Variants in FREM2 observed in about 807,000 individuals in gnomAD.
FREM2 encodes FRAS1 related extracellular matrix 2, also known as FRAS1-related extracellular matrix protein 2.
In FREM2, 119 loss-of-function variants were observed where a neutral mutation model predicts 219.9. The observed-to-expected ratio is 0.54, with a 90% CI of 0.47 to 0.63. FREM2 has a LOEUF of 0.63. Among genes scored for constraint, FREM2 ranks in the 30% least tolerant of loss-of-function variants. The pLI, the probability that FREM2 is intolerant of heterozygous loss-of-function variation, is 0.00. For missense variants in FREM2, 4,030 were observed against 3,993.6 expected (o/e 1.01, Z -0.25); for synonymous variants, 1,562 against 1,522.8 (o/e 1.03, Z -0.60).
chr13:38,805,461 A>G (rs1289097775), intron 6 of FREM2, among the ~76,000 whole-genome samples: 1 of 151,946 alleles, frequency 6.6e-6, no homozygotes, highest in Admixed American at 6.6e-5. Context: ...ATGAGACTCT[A>G]TTTAAACATA....
chr13:38,807,227 A>G (rs1305999457), intron 6 of FREM2, among the ~76,000 whole-genome samples: 2 of 125,684 alleles, frequency 1.6e-5, no homozygotes, highest in African/African-American at 5.7e-5. Flanking sequence ...ATATATATAT[A>G]TGTATGGTTT....
intron 3 of FREM2, among the ~76,000 whole-genome samples, chr13:38,768,591 C>T (rs1873534600): frequency 6.6e-6 from 1 of 152,112 alleles, no homozygotes; most frequent in South Asian, 2.1e-4. Flanking sequence ...TTTTCCAACT[C>T]TTTTACATCT....
Position 38,689,880 on chromosome 13 carries a change from A to T in FREM2, c.2536A>T (p.Ile846Phe). Reference protein sequence around the residue: ...GFTIQEKGHHILSETELHVND... With the variant: ...GFTIQEKGHHFLSETELHVND... ...CACTATTCAGGAGAAGGGTCACCACATCCTGAGTGAGACAGAGTTGCACGT... is the reference window on the plus strand; with the variant it reads ...CACTATTCAGGAGAAGGGTCACCACTTCCTGAGTGAGACAGAGTTGCACGT... The change falls in exon 1 of 24, where the codon ATC becomes TTC. Residue 846 changes from isoleucine (I) to phenylalanine (F), a missense_variant. Ile to Phe is a conservative substitution (Grantham distance 21). Around this residue, in one of 2 missense-constraint regions of FREM2, gnomAD observed 3,102 missense variants for 2,950.7 expected, o/e 1.05. Coordinates refer to ENST00000280481, the MANE Select transcript of FREM2 (RefSeq NM_207361.6). The T allele has an allele frequency of 6.2e-7, 1 of 1,614,206 alleles. No homozygotes were observed. The highest frequency in any genetic ancestry group is 8.5e-7 in the Non-Finnish European group (1 of 1,180,042).
intron 2 of FREM2, among the ~76,000 whole-genome samples, chr13:38,726,707 A>G (rs948621630): frequency 5.3e-5 from 8 of 152,198 alleles, no homozygotes; most frequent in African/African-American, 1.9e-4. Flanking sequence ...TGATTATGGC[A>G]TAGGGAGCAC....
At chr13:38,720,290 CACTT>C (rs2138106602) in intron 2 of FREM2, among the ~76,000 whole-genome samples, 1 of 152,264 alleles carries the variant, frequency 6.6e-6, no homozygotes, top group East Asian at 1.9e-4. Context: ...TAAAGAAAAT[CACTT>C]AGTACTGTCT....
chr13:38,805,263 G>A lies in FREM2; in HGVS notation c.6019+20455G>A, dbSNP rs181642943. On this transcript the variant is annotated intron_variant, in intron 6 of 23. Transcript: ENST00000280481. ...AATGTAGGGTAAGGAGGTGAGGCTA[G>A]AAAGGAAAGGACTCACTGCTAAGAA... Among the ~76,000 whole-genome samples the A allele has an allele frequency of 2.3e-3, 347 of 151,600 alleles. 1 individual carries two copies. The highest frequency in any genetic ancestry group is 2.2e-3 in the Admixed American group (34 of 15,252).
intron 6 of FREM2, among the ~76,000 whole-genome samples, chr13:38,831,613 A>T (rs1444298317): frequency 5.6e-5 from 8 of 143,240 alleles, no homozygotes; most frequent in East Asian, 4.1e-4. Context: ...TTTAACTTCA[A>T]TTTTTTTTTT....
chr13:38,883,245 G>C lies in FREM2; in HGVS notation c.*2458G>C, dbSNP rs886050203. The C allele has an allele frequency of 4.6e-5, 7 of 152,000 alleles. No individual in the cohort carries two copies. The highest frequency in any genetic ancestry group is 7.4e-5 in the Non-Finnish European group (5 of 67,994). 9.4% of individuals were successfully genotyped at this position (152,000 alleles called of 1,614,324 possible). A position where few individuals can be genotyped will look rare whatever the true frequency, so the allele number is the denominator to read the frequency against. ...ATTTTTCTTAATATCTATTTACTAA[G>C]TATGTAATTTAATATACATTAATTA... On this transcript the variant is annotated 3_prime_UTR_variant, in exon 24 of 24. Transcript: ENST00000280481.
chr13:38,837,887 C>A (rs1233611120), intron 6 of FREM2, among the ~76,000 whole-genome samples: 1 of 152,046 alleles, frequency 6.6e-6, no homozygotes, highest in Non-Finnish European at 1.5e-5. Flanking sequence ...GAATACAGCA[C>A]ACCGATGGGT....
intron 2 of FREM2, among the ~76,000 whole-genome samples, chr13:38,720,282 A>C (rs1051770628): frequency 2.0e-5 from 3 of 152,172 alleles, no homozygotes; most frequent in Admixed American, 6.6e-5. Flanking sequence ...GGAGAGTTTA[A>C]AGAAAATCAC....
chr13:38,868,660 A>G (rs1356756811), intron 16 of FREM2, among the ~76,000 whole-genome samples: 1 of 152,228 alleles, frequency 6.6e-6, no homozygotes, highest in Non-Finnish European at 1.5e-5. Context: ...CACTGTTGGT[A>G]AAACGGTGCA....
intron 2 of FREM2, among the ~76,000 whole-genome samples, chr13:38,738,945 A>G (rs1468693766): frequency 1.3e-5 from 2 of 152,242 alleles, no homozygotes; most frequent in East Asian, 1.9e-4. Flanking sequence ...TACTAGCTGT[A>G]TTGCACTCGG....
intron 21 of FREM2, among the ~76,000 whole-genome samples, chr13:38,877,487 G>A (rs1878382570): frequency 6.6e-6 from 1 of 152,142 alleles, no homozygotes; most frequent in Non-Finnish European, 1.5e-5. Flanking sequence ...TTTGGAACAA[G>A]TCTAGATGAT....
At chr13:38,743,389 G>A (rs1593379037) in intron 2 of FREM2, among the ~76,000 whole-genome samples, 1 of 151,702 alleles carries the variant, frequency 6.6e-6, no homozygotes, top group African/African-American at 2.4e-5. Flanking sequence ...CTGAGCCTAT[G>A]GAATTTAGTT....
intron 6 of FREM2, among the ~76,000 whole-genome samples, chr13:38,793,997 T>G (rs548726675): frequency 6.6e-5 from 10 of 152,298 alleles, no homozygotes; most frequent in African/African-American, 2.4e-4. Flanking sequence ...AAATGCCTGC[T>G]TGACTTCAAA....
chr13:38,847,297 C>G (rs1425952068), intron 7 of FREM2, among the ~76,000 whole-genome samples: 1 of 146,098 alleles, frequency 6.8e-6, no homozygotes, highest in East Asian at 2.0e-4. Flanking sequence ...TCAAAATTTC[C>G]TTTTTTTTCT....
chr13:38,874,453 T>G (rs1878273200), intron 17 of FREM2, 29 bp from the exon 18 acceptor site: 1 of 1,567,314 alleles, frequency 6.4e-7, no homozygotes, highest in East Asian at 2.2e-5. Context: ...CTACATATAT[T>G]TTCATTCTTG....
chr13:38,776,015 T>C (rs1442574730), intron 4 of FREM2, among the ~76,000 whole-genome samples: 2 of 152,234 alleles, frequency 1.3e-5, no homozygotes, highest in Non-Finnish European at 2.9e-5. Flanking sequence ...GCACTTATTA[T>C]CATGTGGTTT....
rs755951157 is a variant in FREM2 at position 38,687,505 on chromosome 13, C to T, written c.161C>T (p.Ala54Val). The T allele has an allele frequency of 1.3e-6, 2 of 1,595,494 alleles. No homozygotes were observed. The highest frequency in any genetic ancestry group is 2.3e-5 in the South Asian group (2 of 88,298). Residue 54 changes from alanine (A) to valine (V), a missense_variant, in exon 1 of 24, where the codon GCG (alanine) becomes GTG (valine). By Grantham distance (64) the Ala-to-Val change is moderately conservative. Coordinates refer to ENST00000280481, the MANE Select transcript of FREM2 (RefSeq NM_207361.6). ...GCACAGCCCGCTGCCTTCGGCAGGG[C>T]GTTGCTGTCCCCTGGTCTCGCGGGG... ...VPAQPAAFGR[A>V]LLSPGLAGAA...
Sources: gnomAD v4.1 joint callset for allele counts (sites outside exome capture counted in the v4.1 genomes callset) on GRCh38, gnomAD v4.1.1 for gene constraint, gnomAD v4.1.1 regional missense constraint, MANE v1.5 for transcripts, NCBI Gene and HGNC (gene_info 2026-07-23, HGNC 2026-07-21) for gene names.